The following CLIP2 variants were observed in gnomAD, a reference collection of about 807,000 sequenced individuals.
The protein encoded by CLIP2 is CAP-Gly domain-containing linker protein 2.
In CLIP2, 41 loss-of-function variants were observed where a neutral mutation model predicts 111.7. That is an observed-to-expected ratio of 0.37 (90% CI 0.29 to 0.48). The LOEUF is 0.48. Among genes scored for constraint, CLIP2 ranks in the 20% least tolerant of loss-of-function variants. The probability of loss-of-function intolerance (pLI) is 0.99; values close to 1 mark genes in which losing one functional copy is unlikely to be tolerated. For missense variants in CLIP2, 1,160 were observed against 1,422.1 expected (o/e 0.82, Z 2.96); for synonymous variants, 660 against 644.2 (o/e 1.02, Z -0.37).
intron 7 of CLIP2, among the ~76,000 whole-genome samples, chr7:74,361,403 G>A (rs1790329212): frequency 6.6e-6 from 1 of 151,922 alleles, no homozygotes; most frequent in Admixed American, 6.6e-5. Flanking sequence ...TTTTAGTAGA[G>A]ATGGGGTTTT....
At chr7:74,372,880 T>TCCCC in intron 8 of CLIP2, 52 bp from the exon 9 acceptor site, 4 of 188,892 alleles carry the variant, frequency 2.1e-5, no homozygotes, top group South Asian at 3.9e-5. Context: ...TGTGCCCCCC[T>TCCCC]CCCTGCGTCC....
chr7:74,364,837 C>A, intron 8 of CLIP2: 1 of 454,226 alleles, frequency 2.2e-6, no homozygotes, highest in Non-Finnish European at 4.4e-6. Flanking sequence ...GCCTGGGCAA[C>A]GTAGCAAGAT....
chr7:74,401,801 C>T (rs1286818966), intron 16 of CLIP2: 9 of 644,004 alleles, frequency 1.4e-5, no homozygotes, highest in Non-Finnish European at 2.6e-5. Flanking sequence ...CGCAGTGGCC[C>T]ACGCCTGTAA....
intron 1 of CLIP2, among the ~76,000 whole-genome samples, chr7:74,308,012 T>C (rs1788541534): frequency 6.6e-6 from 1 of 152,136 alleles, no homozygotes; most frequent in Admixed American, 6.6e-5. Context: ...TGAAGTTGCC[T>C]GTAAGCTCCC....
At chr7:74,337,292 T>C (rs1255905645) in intron 2 of CLIP2, among the ~76,000 whole-genome samples, 1 of 152,130 alleles carries the variant, frequency 6.6e-6, no homozygotes, top group East Asian at 1.9e-4. Flanking sequence ...GAGGGTTTTC[T>C]TTCCTGTCCC....
chr7:74,348,555 C>T (rs569003884), intron 3 of CLIP2, among the ~76,000 whole-genome samples: 14 of 151,834 alleles, frequency 9.2e-5, no homozygotes, highest in African/African-American at 2.4e-4. Context: ...TTTGGGAGGC[C>T]GAGGCAGGTG....
At chr7:74,365,981 A>G (rs924925620) in intron 8 of CLIP2, among the ~76,000 whole-genome samples, 54 of 151,800 alleles carry the variant, frequency 3.6e-4, no homozygotes, top group African/African-American at 1.2e-3. Context: ...GGGTCTCGCT[A>G]TGTTGCCCAA....
intron 10 of CLIP2, among the ~76,000 whole-genome samples, chr7:74,377,821 C>A (rs1554313243): frequency 2.0e-5 from 3 of 151,240 alleles, no homozygotes; most frequent in African/African-American, 7.3e-5. Context: ...CCAGTTCCCC[C>A]ACATACATTT....
At chr7:74,303,148 A>G (rs1201341618) in intron 1 of CLIP2, among the ~76,000 whole-genome samples, 2 of 152,176 alleles carry the variant, frequency 1.3e-5, no homozygotes, top group Non-Finnish European at 2.9e-5. Flanking sequence ...CAAGACTCAC[A>G]GGGAAGGGGC....
intron 8 of CLIP2, among the ~76,000 whole-genome samples, chr7:74,367,769 A>G (rs116750363): frequency 0.01 from 1,576 of 152,090 alleles, 26 homozygotes; most frequent in African/African-American, 0.036. Context: ...CCCATCTCAG[A>G]TATTGGCCCC....
At position 74,338,976 on chromosome 7, in the gene CLIP2, A is replaced by G. The variant is rs782703875; in HGVS notation, c.650A>G (p.Lys217Arg). Residue 217 changes from lysine to arginine, a missense_variant, in exon 3 of 17, where the codon AAG becomes AGG. Coordinates refer to ENST00000223398, the MANE Select transcript of CLIP2 (RefSeq NM_003388.5). The surrounding 1 kb of genome is among the most constrained non-coding windows in gnomAD (Gnocchi z 4.3). ...AGCGGCTCTGTGAAGCGGGGCGAAA[A>G]GGACCTGCGCCTGGGGGACCGCGTG... ...SDSGSVKRGE[K>R]DLRLGDRVLV... 1 of 1,598,608 alleles carries G rather than the reference A, an allele frequency of 6.3e-7. No individual in the cohort carries two copies. The highest frequency in any genetic ancestry group is 2.2e-5 in the East Asian group (1 of 44,850).
chr7:74,360,102 C>T, intron 6 of CLIP2, 73 bp from the exon 7 acceptor site: 1 of 1,290,478 alleles, frequency 7.7e-7, no homozygotes. Flanking sequence ...TGCCTGTCTC[C>T]CACCACACCA....
chr7:74,297,417 CA>C (rs1303299275), intron 1 of CLIP2, among the ~76,000 whole-genome samples: 2 of 151,828 alleles, frequency 1.3e-5, no homozygotes, highest in Non-Finnish European at 2.9e-5. Context: ...GTTGAGGTTG[CA>C]GTGAGCCATG....
In CLIP2 at chr7:74,356,591, T is replaced by G. The variant is rs782525749; in HGVS notation, c.985T>G (p.Ser329Ala). 1 of 1,614,018 alleles carries G rather than the reference T, an allele frequency of 6.2e-7. No homozygotes were observed. Among genetic ancestry groups the G allele is most frequent in the South Asian group, 1.1e-5 (1 of 91,070 alleles). ...CAGCTCCGTCAGCTCTGTGGCCTCC[T>G]CCGTGGGGGGTCGGCCCAGCCGCAG... is the stretch of plus-strand genomic sequence containing the variant. ...SISSVSSVASSVGGRPSRSGL... is the reference protein window; with the variant it reads ...SISSVSSVASAVGGRPSRSGL... Residue 329 changes from serine to alanine, a missense_variant, in exon 5 of 17, where the codon TCC becomes GCC. This residue lies in a region of CLIP2 where 110 missense variants were observed against 185.2 expected (regional missense o/e 0.59). Transcript: ENST00000223398.
rs782080364 is a variant in CLIP2, at chr7:74,357,459, C to G, written c.1197C>G (p.Leu399=). ...AGGTGGAGAAGGAGATTGCCCTGCT[C>G]AAGGCACAGCATGAGCAGGTGAGTG... ...ICEVEKEIAL[L]KAQHEQYVAE... The change falls in exon 6 of 17, where the codon CTC becomes CTG. Residue 399 remains leucine, a synonymous_variant. Transcript: ENST00000223398. 9 of 1,613,126 alleles carry G rather than the reference C, an allele frequency of 5.6e-6. No homozygotes were observed. The highest frequency in any genetic ancestry group is 5.5e-5 in the South Asian group (5 of 90,828).
chr7:74,383,866 G>A (rs984372221), intron 11 of CLIP2, among the ~76,000 whole-genome samples: 2 of 152,036 alleles, frequency 1.3e-5, no homozygotes, highest in Non-Finnish European at 2.9e-5. Flanking sequence ...ATCCCAAAAG[G>A]AGAACCCATA....
At chr7:74,356,836 C>T (rs1790162138) in intron 5 of CLIP2, among the ~76,000 whole-genome samples, 1 of 152,262 alleles carries the variant, frequency 6.6e-6, no homozygotes, top group East Asian at 1.9e-4. Context: ...GAACCCTAAG[C>T]CTTTCTCTGG....
chr7:74,356,424 C>T lies in CLIP2; in HGVS notation c.818C>T (p.Pro273Leu), dbSNP rs781864493. Residue 273 changes from proline (P) to leucine (L), a missense_variant, in exon 5 of 17, where the codon CCA becomes CTA. Coordinates refer to ENST00000223398, the MANE Select transcript of CLIP2 (RefSeq NM_003388.5). The stretch of plus-strand genomic sequence containing the variant: ...TGCTTCCACAGGTACTTCCAGTGCC[C>T]ACCCAAGTTTGGTCTCTTCGCGCCC... ...AVAGTRYFQC[P>L]PKFGLFAPIH... 3 of 1,614,192 alleles carry T rather than the reference C, an allele frequency of 1.9e-6. No homozygotes were observed. Among genetic ancestry groups the T allele is most frequent in the Admixed American group, 1.7e-5 (1 of 60,016 alleles).
chr7:74,344,333 G>T (rs1463895566), intron 3 of CLIP2, among the ~76,000 whole-genome samples: 2 of 152,098 alleles, frequency 1.3e-5, no homozygotes, highest in Non-Finnish European at 2.9e-5. Flanking sequence ...TGCATCCTAT[G>T]GTTGAAACAC....
Sources: allele counts gnomAD v4.1 joint callset (sites outside exome capture counted in the v4.1 genomes callset), GRCh38; gene constraint gnomAD v4.1.1; regional missense constraint gnomAD v4.1.1; non-coding constraint Gnocchi (gnomAD v3.1); transcripts MANE v1.5; gene names NCBI Gene and HGNC (gene_info 2026-07-23, HGNC 2026-07-21).